CSMD1: variants seen among roughly 807,000 people sequenced by gnomAD.
CSMD1 encodes the protein CUB and sushi domain-containing protein 1.
CSMD1 carries 213 observed loss-of-function variants against 417.5 expected under a neutral mutation model. The observed-to-expected ratio is 0.51, with a 90% confidence interval of 0.46 to 0.57. The LOEUF is 0.57. Among genes scored for constraint, CSMD1 ranks in the 20% least tolerant of loss-of-function variants. The pLI, the probability that CSMD1 is intolerant of heterozygous loss-of-function variation, is 0.00. For missense variants in CSMD1, 6,923 were observed against 4,529.7 expected, an observed-to-expected ratio of 1.53 and a Z score of -15.17; for synonymous variants, 2,862 against 1,736.8, an observed-to-expected ratio of 1.65 and a Z score of -16.11.
intron 3 of CSMD1, among the ~76,000 whole-genome samples, chr8:4,297,482 G>C (rs1165178575): frequency 1.3e-5 from 2 of 152,146 alleles, no homozygotes; most frequent in Non-Finnish European, 1.5e-5. Flanking sequence ...ACTTTATTCA[G>C]TTAACCAAAG....
intron 6 of CSMD1, among the ~76,000 whole-genome samples, chr8:3,745,706 C>T (rs1015750041): frequency 6.6e-6 from 1 of 152,326 alleles, no homozygotes; most frequent in South Asian, 2.1e-4. Context: ...GGACGTTAAC[C>T]TCCTCAGAGT....
At chr8:3,341,856 G>A (rs547078791) in intron 23 of CSMD1, among the ~76,000 whole-genome samples, 17 of 152,178 alleles carry the variant, frequency 1.1e-4, no homozygotes, top group African/African-American at 3.1e-4. Context: ...GCAAGGAAGC[G>A]GGGATGAAGA....
At chr8:4,255,929 C>G (rs894967131) in intron 3 of CSMD1, among the ~76,000 whole-genome samples, 1 of 152,172 alleles carries the variant, frequency 6.6e-6, no homozygotes, top group African/African-American at 2.4e-5. Flanking sequence ...GTGTTCTTGA[C>G]TTTCTCCCCA....
chr8:4,026,723 T>G lies in CSMD1; in HGVS notation c.610+5182A>C, dbSNP rs548897014. On this transcript the variant is annotated intron_variant, in intron 4 of 69. Transcript: ENST00000635120. ...CTATCTGAGAGATCAAGGGACTTCT[T>G]TTTTCCTTAAAGAAACTGTAATAAG... Among the ~76,000 whole-genome samples, 20 of 152,342 alleles carry G rather than the reference T, an allele frequency of 1.3e-4. No individual in the cohort carries two copies. The South Asian group carries it at 4.1e-3, about 32-fold the overall frequency.
chr8:3,034,605 C>A (rs929400138), intron 50 of CSMD1, among the ~76,000 whole-genome samples: 1 of 152,032 alleles, frequency 6.6e-6, no homozygotes, highest in Non-Finnish European at 1.5e-5. Flanking sequence ...ATACCTACTA[C>A]ACATAAATGC....
At chr8:3,834,082 G>C (rs1051507941) in intron 5 of CSMD1, among the ~76,000 whole-genome samples, 1 of 151,956 alleles carries the variant, frequency 6.6e-6, no homozygotes, top group Non-Finnish European at 1.5e-5. Context: ...ATTATACTTT[G>C]ATTTCCTTTC....
At chr8:4,446,452 G>A (rs558710706) in intron 2 of CSMD1, among the ~76,000 whole-genome samples, 2 of 152,174 alleles carry the variant, frequency 1.3e-5, no homozygotes, top group East Asian at 1.9e-4. Flanking sequence ...GGTGGCTGAG[G>A]TGGGACGATC....
chr8:4,774,632 C>T (rs1224732454), intron 1 of CSMD1, among the ~76,000 whole-genome samples: 2 of 152,078 alleles, frequency 1.3e-5, no homozygotes, highest in African/African-American at 4.8e-5. Flanking sequence ...ATTTCCCCAC[C>T]CTAACTTCAT....
chr8:3,305,640 T>A (rs1451752840), intron 25 of CSMD1, among the ~76,000 whole-genome samples: 1 of 152,112 alleles, frequency 6.6e-6, no homozygotes, highest in African/African-American at 2.4e-5. Context: ...CTTCCCATCC[T>A]CCAGAACTGT....
intron 1 of CSMD1, among the ~76,000 whole-genome samples, chr8:4,752,999 A>T (rs1045605143): frequency 3.3e-5 from 5 of 152,252 alleles, no homozygotes; most frequent in Admixed American, 3.3e-4. Flanking sequence ...ATGGTTTGGT[A>T]TATAACGACA....
chr8:3,797,958 T>G (rs1800251386), intron 5 of CSMD1, among the ~76,000 whole-genome samples: 2 of 152,030 alleles, frequency 1.3e-5, no homozygotes, highest in African/African-American at 4.8e-5. Context: ...TCATAACTAT[T>G]TACTGGCATC....
chr8:3,500,101 T>C (rs1796535321), intron 10 of CSMD1, among the ~76,000 whole-genome samples: 1 of 152,160 alleles, frequency 6.6e-6, no homozygotes, highest in Admixed American at 6.5e-5. Flanking sequence ...AGTCCTTTTT[T>C]GGCACTGAAC....
chr8:4,388,355 A>G (rs2128922499), intron 3 of CSMD1, among the ~76,000 whole-genome samples: 1 of 148,218 alleles, frequency 6.7e-6, no homozygotes, highest in East Asian at 2.0e-4. Flanking sequence ...CGAACACATG[A>G]TGGACTGCTA....
intron 3 of CSMD1, among the ~76,000 whole-genome samples, chr8:4,052,584 G>C (rs188873462): frequency 1.4e-4 from 22 of 152,124 alleles, no homozygotes; most frequent in Non-Finnish European, 2.6e-4. Flanking sequence ...CGAAATTCTT[G>C]CCTTTCCCTC....
intron 2 of CSMD1, among the ~76,000 whole-genome samples, chr8:4,593,053 C>G (rs976055024): frequency 1.3e-5 from 2 of 152,122 alleles, no homozygotes; most frequent in Non-Finnish European, 2.9e-5. Flanking sequence ...TTGTAAATCA[C>G]TGGTGTCATC....
At chr8:3,490,420 G>T (rs1323953646) in intron 11 of CSMD1, among the ~76,000 whole-genome samples, 1 of 152,028 alleles carries the variant, frequency 6.6e-6, no homozygotes, top group Non-Finnish European at 1.5e-5. Flanking sequence ...ATTTCATAAG[G>T]CATTACCTGC....
In CSMD1 at chr8:4,246,343, G is replaced by C. The variant is rs547097889; in HGVS notation, c.415+173610C>G. On this transcript the variant is annotated intron_variant, in intron 3 of 69. Coordinates refer to ENST00000635120, the MANE Select transcript of CSMD1 (RefSeq NM_033225.6). ...CCACCTCCATCCACGTCCTTGCAAA[G>C]GACACGGTCAGTCCTTAGAAGAGTA... Among the ~76,000 whole-genome samples, 34 of 152,212 alleles carry C rather than the reference G, an allele frequency of 2.2e-4. No homozygotes were observed. In the South Asian group the frequency reaches 6.2e-3, roughly 28 times the overall value.
intron 18 of CSMD1, among the ~76,000 whole-genome samples, chr8:3,382,399 TTATTA>T (rs1206869490): frequency 6.9e-6 from 1 of 144,376 alleles, no homozygotes; most frequent in Non-Finnish European, 1.5e-5. Context: ...TATATATATG[TTATTA>T]TATAATATAT....
intron 1 of CSMD1, among the ~76,000 whole-genome samples, chr8:4,742,459 T>C (rs947670569): frequency 1.3e-5 from 2 of 152,118 alleles, no homozygotes; most frequent in Admixed American, 1.3e-4. Flanking sequence ...GTATTTGGTG[T>C]TTACTTTTAG....
Sources: allele counts gnomAD v4.1 joint callset (sites outside exome capture counted in the v4.1 genomes callset), GRCh38; gene constraint gnomAD v4.1.1; transcripts MANE v1.5; gene names NCBI Gene and HGNC (gene_info 2026-07-23, HGNC 2026-07-21).